The following PRKG2 variants were observed in gnomAD, a reference collection of about 807,000 sequenced individuals.
PRKG2 encodes cGMP-dependent protein kinase 2.
In PRKG2, 33 loss-of-function variants were observed where a neutral mutation model predicts 97.2. That is an observed-to-expected ratio of 0.34 (90% CI 0.26 to 0.45). PRKG2 has a LOEUF of 0.45. Ranked by LOEUF, PRKG2 falls within the 20% of genes least tolerant of loss-of-function variation. The probability of loss-of-function intolerance (pLI) is 1.00; values close to 1 mark genes in which losing one functional copy is unlikely to be tolerated. For synonymous variants in PRKG2, 330 were observed against 321.8 expected (o/e 1.03, Z -0.27); for missense variants, 638 against 900.0 (o/e 0.71, Z 3.73).
intron 1 of PRKG2, among the ~76,000 whole-genome samples, chr4:81,214,539 C>T (rs954326365): frequency 6.6e-6 from 1 of 152,030 alleles, no homozygotes; most frequent in Non-Finnish European, 1.5e-5. Flanking sequence ...CTAGCAACTA[C>T]CCAGAGCTCG....
intron 1 of PRKG2, among the ~76,000 whole-genome samples, chr4:81,214,138 T>C (rs191204519): frequency 7.0e-4 from 96 of 137,470 alleles, no homozygotes; most frequent in African/African-American, 2.1e-3. Context: ...GGCAGGTGTA[T>C]GTTGCTCTCT....
chr4:81,177,326 T>A (rs1038528300), intron 2 of PRKG2, among the ~76,000 whole-genome samples: 1 of 152,234 alleles, frequency 6.6e-6, no homozygotes, highest in Non-Finnish European at 1.5e-5. Context: ...TATAGACATA[T>A]TGTAATAGTC....
chr4:81,119,283 T>G (rs1469675387), intron 14 of PRKG2, among the ~76,000 whole-genome samples: 1 of 152,224 alleles, frequency 6.6e-6, no homozygotes, highest in Non-Finnish European at 1.5e-5. Flanking sequence ...TGAGTTAATT[T>G]TCATGAAGGG....
intron 1 of PRKG2, among the ~76,000 whole-genome samples, chr4:81,212,711 T>C (rs1213748044): frequency 6.6e-6 from 1 of 152,136 alleles, no homozygotes; most frequent in African/African-American, 2.4e-5. Flanking sequence ...GATACATAAA[T>C]AGAGGCTGAA....
chr4:81,200,672 C>A (rs1753247850), intron 2 of PRKG2, among the ~76,000 whole-genome samples: 1 of 152,140 alleles, frequency 6.6e-6, no homozygotes, highest in Non-Finnish European at 1.5e-5. Flanking sequence ...TTCCATAACT[C>A]CCCAGTACCT....
intron 2 of PRKG2, among the ~76,000 whole-genome samples, chr4:81,183,209 C>CA (rs1751572287): frequency 6.6e-6 from 1 of 152,038 alleles, no homozygotes; most frequent in African/African-American, 2.4e-5. Flanking sequence ...GCAAGATGGC[C>CA]AAATAGGAAC....
intron 2 of PRKG2, among the ~76,000 whole-genome samples, chr4:81,189,928 G>A (rs889037531): frequency 3.9e-5 from 6 of 152,122 alleles, no homozygotes; most frequent in Non-Finnish European, 8.8e-5. Flanking sequence ...AAATAAGAGA[G>A]AACACAAACA....
chr4:81,184,893 A>G, intron 2 of PRKG2, among the ~76,000 whole-genome samples: 1 of 152,244 alleles, frequency 6.6e-6, no homozygotes, highest in Non-Finnish European at 1.5e-5. Flanking sequence ...AGGATATCAG[A>G]GATTGAAGAT....
At chr4:81,168,500 T>C (rs1166160259) in intron 5 of PRKG2, among the ~76,000 whole-genome samples, 1 of 152,140 alleles carries the variant, frequency 6.6e-6, no homozygotes, top group Non-Finnish European at 1.5e-5. Flanking sequence ...GACATTCAAA[T>C]ACAACCCAGG....
intron 14 of PRKG2, among the ~76,000 whole-genome samples, chr4:81,118,071 G>T (rs149823622): frequency 2.0e-5 from 3 of 152,152 alleles, no homozygotes; most frequent in Non-Finnish European, 4.4e-5. Flanking sequence ...TTTACAAAAT[G>T]TCATTTAGTT....
chr4:81,147,971 A>G (rs1454021640), intron 9 of PRKG2, among the ~76,000 whole-genome samples: 1 of 152,102 alleles, frequency 6.6e-6, no homozygotes, highest in African/African-American at 2.4e-5. Context: ...GCATAAATTG[A>G]TCATTGTTTA....
intron 9 of PRKG2, among the ~76,000 whole-genome samples, chr4:81,148,192 A>T (rs1748041877): frequency 6.6e-6 from 1 of 152,118 alleles, no homozygotes; most frequent in Non-Finnish European, 1.5e-5. Flanking sequence ...TCATATGCGT[A>T]TGCTCTATTT....
intron 17 of PRKG2, among the ~76,000 whole-genome samples, chr4:81,096,138 A>G (rs1401189190): frequency 6.6e-6 from 1 of 152,208 alleles, no homozygotes; most frequent in Non-Finnish European, 1.5e-5. Context: ...ATTTCTTAAA[A>G]TAAGACAATG....
chr4:81,141,595 A>T (rs1747295898), intron 11 of PRKG2, among the ~76,000 whole-genome samples: 2 of 152,226 alleles, frequency 1.3e-5, no homozygotes, highest in South Asian at 4.1e-4. Context: ...TTAAAACTCC[A>T]TAAGCAGACT....
intron 14 of PRKG2, among the ~76,000 whole-genome samples, chr4:81,128,152 G>A (rs1235408724): frequency 4.6e-5 from 7 of 152,094 alleles, no homozygotes. Flanking sequence ...TGCATATGTT[G>A]AGCCAGCCTT....
At chr4:81,205,157 CA>C in intron 1 of PRKG2, 97 bp from the exon 2 acceptor site, 1 of 745,626 alleles carries the variant, frequency 1.3e-6, no homozygotes, top group South Asian at 2.1e-5. Context: ...TAAATAGGAA[CA>C]CAGTAATCTT....
At chr4:81,125,220 G>A (rs58842640) in intron 14 of PRKG2, among the ~76,000 whole-genome samples, 9,877 of 152,086 alleles carry the variant, frequency 0.065, 1,098 homozygotes, top group African/African-American at 0.23. Flanking sequence ...TTGAATTTTA[G>A]TGCATATTAT....
chr4:81,158,964 A>G (rs908109693), intron 6 of PRKG2, among the ~76,000 whole-genome samples: 1 of 150,348 alleles, frequency 6.7e-6, no homozygotes, highest in African/African-American at 2.5e-5. Flanking sequence ...TCAATTCAAG[A>G]TGGATTAAAG....
chr4:81,194,921 T>TAC (rs1355748826), intron 2 of PRKG2, among the ~76,000 whole-genome samples: 10 of 121,780 alleles, frequency 8.2e-5, no homozygotes, highest in Non-Finnish European at 1.4e-4. Context: ...GCTTTTAATA[T>TAC]ACATATATAT....
Sources: allele counts gnomAD v4.1 joint callset (sites outside exome capture counted in the v4.1 genomes callset), GRCh38; gene constraint gnomAD v4.1.1; transcripts MANE v1.5; gene names NCBI Gene and HGNC (gene_info 2026-07-23, HGNC 2026-07-21).